Variants in RNGTT observed in about 807,000 individuals in gnomAD.
RNGTT encodes the protein RNA guanylyltransferase and 5'-phosphatase.
In RNGTT, 33 loss-of-function variants were observed where a neutral mutation model predicts 79.3. The observed-to-expected ratio is 0.42, with a 90% CI of 0.32 to 0.56. RNGTT has a LOEUF of 0.56. RNGTT is among the 20% of genes least tolerant of loss of function. The pLI is 0.17. For missense variants in RNGTT, 497 were observed against 739.1 expected, an observed-to-expected ratio of 0.67 and a Z score of 3.80; for synonymous variants, 222 against 235.9, an observed-to-expected ratio of 0.94 and a Z score of 0.54.
chr6:88,715,008 AAAG>A (rs1331948916), intron 13 of RNGTT, among the ~76,000 whole-genome samples: 5 of 152,200 alleles, frequency 3.3e-5, no homozygotes, highest in African/African-American at 9.7e-5. Context: ...TCAATTAGGA[AAAG>A]AAGAAGTCAA....
intron 14 of RNGTT, among the ~76,000 whole-genome samples, chr6:88,651,232 C>T (rs1418331919): frequency 6.6e-6 from 1 of 152,034 alleles, no homozygotes; most frequent in Non-Finnish European, 1.5e-5. Context: ...GGCATACAAG[C>T]AGAACTCAGA....
At chr6:88,698,260 A>AATATATATATGATATATATTCCAT (rs1229457522) in intron 13 of RNGTT, among the ~76,000 whole-genome samples, 1 of 95,428 alleles carries the variant, frequency 1.0e-5, no homozygotes, top group African/African-American at 9.2e-5. Flanking sequence ...TATATATATA[A>AATATATATATGATATATATTCCAT]ATATATATGA....
chr6:88,726,451 C>CT (rs146138713), intron 13 of RNGTT, among the ~76,000 whole-genome samples: 13,634 of 150,232 alleles, frequency 0.091, 669 homozygotes, highest in African/African-American at 0.11. Flanking sequence ...AAGTATAAGG[C>CT]TATTCCATTA....
At chr6:88,853,510 A>C (rs1781742002) in intron 9 of RNGTT, 119 bp downstream of exon 9, 1 of 812,184 alleles carries the variant, frequency 1.2e-6, no homozygotes, top group Non-Finnish European at 1.9e-6. Context: ...GTCTCAAAAA[A>C]AAAAAAAAAA....
intron 11 of RNGTT, among the ~76,000 whole-genome samples, chr6:88,839,487 T>G (rs1175632725): frequency 2.0e-5 from 3 of 152,044 alleles, no homozygotes; most frequent in African/African-American, 7.2e-5. Flanking sequence ...GGAGGATTGT[T>G]TGAGTCTGGG....
chr6:88,683,150 A>G (rs1775154107), intron 13 of RNGTT, among the ~76,000 whole-genome samples: 1 of 152,154 alleles, frequency 6.6e-6, no homozygotes, highest in African/African-American at 2.4e-5. Flanking sequence ...GAAATTCATG[A>G]AACGGAAAAC....
intron 11 of RNGTT, among the ~76,000 whole-genome samples, chr6:88,837,516 A>T (rs1379935815): frequency 6.6e-6 from 1 of 152,184 alleles, no homozygotes. Context: ...GTTTCCAAAG[A>T]TTTACAACAT....
chr6:88,738,767 T>TATAAATTAATAGAACAGAAA (rs1259802847), intron 13 of RNGTT, among the ~76,000 whole-genome samples: 5 of 152,230 alleles, frequency 3.3e-5, no homozygotes, highest in African/African-American at 1.2e-4. Context: ...GGGAACTTTC[T>TATAAATTAATAGAACAGAAA]GTTCTATTAA....
chr6:88,892,788 C>T lies in RNGTT; in HGVS notation c.685-873G>A, dbSNP rs190908989. ...AAAAAAGTTAGTCTACAAGCTACAA[C>T]GTTCAACCTTCTGGCAAAGACCTGG... is the stretch of plus-strand genomic sequence containing the variant. On this transcript the variant is annotated intron_variant, in intron 6 of 15. Coordinates refer to ENST00000369485, the MANE Select transcript of RNGTT (RefSeq NM_003800.5). Among the ~76,000 whole-genome samples the T allele has an allele frequency of 1.9e-3, 283 of 152,120 alleles. 3 individuals are homozygous for T. Among genetic ancestry groups the T allele is most frequent in the African/African-American group, 6.5e-3 (272 of 41,538 alleles).
chr6:88,690,806 C>A (rs1226057713), intron 13 of RNGTT, among the ~76,000 whole-genome samples: 1 of 152,112 alleles, frequency 6.6e-6, no homozygotes, highest in Non-Finnish European at 1.5e-5. Context: ...CACACATTAT[C>A]TCCTAAGTTG....
chr6:88,676,084 G>A (rs1002015146), intron 14 of RNGTT, among the ~76,000 whole-genome samples: 1 of 152,116 alleles, frequency 6.6e-6, no homozygotes, highest in African/African-American at 2.4e-5. Flanking sequence ...GGAAATGAAA[G>A]GAACCTAGAT....
intron 13 of RNGTT, among the ~76,000 whole-genome samples, chr6:88,695,734 T>C (rs975430577): frequency 5.3e-5 from 8 of 152,142 alleles, no homozygotes; most frequent in Admixed American, 5.2e-4. Context: ...AATAGCCAAG[T>C]TATGGAATCA....
intron 8 of RNGTT, among the ~76,000 whole-genome samples, chr6:88,876,871 C>A (rs1782535359): frequency 6.6e-6 from 1 of 152,196 alleles, no homozygotes; most frequent in Non-Finnish European, 1.5e-5. Flanking sequence ...ATCTGCTCAG[C>A]TCTAAGAGTT....
chr6:88,851,603 AT>A (rs1342859673), intron 9 of RNGTT, among the ~76,000 whole-genome samples: 1 of 152,084 alleles, frequency 6.6e-6, no homozygotes, highest in East Asian at 1.9e-4. Context: ...GTATTTCTAA[AT>A]TCCTATTTTC....
At chr6:88,832,195 AC>A (rs1780894892) in intron 11 of RNGTT, among the ~76,000 whole-genome samples, 1 of 152,226 alleles carries the variant, frequency 6.6e-6, no homozygotes, top group Non-Finnish European at 1.5e-5. Flanking sequence ...AAACTACACT[AC>A]AAGGCTACAG....
In RNGTT at chr6:88,612,680, A is replaced by T. The variant is rs1293455933; in HGVS notation, c.*39T>A. The T allele has an allele frequency of 6.3e-7, 1 of 1,579,166 alleles. No individual in the cohort carries two copies. The highest frequency in any genetic ancestry group is 8.6e-7 in the Non-Finnish European group (1 of 1,161,980). On this transcript the variant is annotated 3_prime_UTR_variant, in exon 16 of 16. Coordinates refer to ENST00000369485, the MANE Select transcript of RNGTT (RefSeq NM_003800.5). ...AAATGGGCAACAGCGTTTTTTCCTC[A>T]TTCCTCTTTCTTCTTAACCCTCAAG...
intron 13 of RNGTT, among the ~76,000 whole-genome samples, chr6:88,732,146 C>T (rs1457219519): frequency 2.0e-5 from 3 of 151,970 alleles, no homozygotes; most frequent in Non-Finnish European, 4.4e-5. Context: ...ACCTGTGTTG[C>T]TCAAGGATCA....
chr6:88,716,632 C>T (rs1776524830), intron 13 of RNGTT, among the ~76,000 whole-genome samples: 1 of 152,138 alleles, frequency 6.6e-6, no homozygotes, highest in African/African-American at 2.4e-5. Context: ...GAATACTATG[C>T]AGCCATAAAA....
At chr6:88,820,805 A>C (rs867592594) in intron 11 of RNGTT, among the ~76,000 whole-genome samples, 2 of 152,156 alleles carry the variant, frequency 1.3e-5, no homozygotes, top group Admixed American at 6.5e-5. Flanking sequence ...AAGAAACCAA[A>C]GAAGAACTAA....
Sources: gnomAD v4.1 joint callset for allele counts (sites outside exome capture counted in the v4.1 genomes callset) on GRCh38, gnomAD v4.1.1 for gene constraint, MANE v1.5 for transcripts, NCBI Gene and HGNC (gene_info 2026-07-23, HGNC 2026-07-21) for gene names.